ANO5: variants seen among roughly 807,000 people sequenced by gnomAD.
The protein encoded by ANO5 is anoctamin 5.
A neutral mutation model predicts 121.0 loss-of-function variants in ANO5; 109 were observed. The ratio of observed to expected loss-of-function variants is 0.90; its 90% CI spans 0.77 to 1.06. The LOEUF (loss-of-function observed/expected upper bound fraction) is 1.06. Ranked by LOEUF, ANO5 falls within the 50% of genes least tolerant of loss-of-function variation. ANO5 has a pLI of 0.00. For synonymous variants in ANO5, 406 were observed against 359.9 expected (o/e 1.13, Z -1.45); for missense variants, 1,064 against 1,078.5 (o/e 0.99, Z 0.19).
At chr11:22,214,196 T>A (rs1430860532) in intron 3 of ANO5, among the ~76,000 whole-genome samples, 1 of 151,968 alleles carries the variant, frequency 6.6e-6, no homozygotes, top group Non-Finnish European at 1.5e-5. Flanking sequence ...ATAAGCCACA[T>A]CACTTGGCTG....
At chr11:22,257,484 G>C (rs556260728) in intron 13 of ANO5, among the ~76,000 whole-genome samples, 196 bp from the exon 14 acceptor site, 2 of 152,156 alleles carry the variant, frequency 1.3e-5, no homozygotes, top group Admixed American at 6.6e-5. Context: ...TCATGTGTAA[G>C]ATAACCCATC....
rs561417561 is a variant in ANO5 at position 22,239,651 on chromosome 11, A to G, written c.845A>G (p.Tyr282Cys). ...CACCAGAATTGGGCTCGATTTTCCT[A>G]TTTCTACAAGGAGCAGCCTTTAGAC... ...TLHQNWARFS[Y>C]FYKEQPLDLI... The change falls in exon 9 of 22, where the codon TAT (tyrosine) becomes TGT (cysteine). Residue 282 changes from tyrosine to cysteine, a missense_variant. By Grantham distance (194) the Tyr-to-Cys change is radical (BLOSUM62 -2). Transcript: ENST00000324559. 2.6e-5 allele frequency: 42 copies of G among 1,612,112 alleles called. No homozygotes were observed. The highest frequency in any genetic ancestry group is 3.3e-5 in the Admixed American group (2 of 59,944).
chr11:22,204,553 G>C (rs1167605170), intron 2 of ANO5, among the ~76,000 whole-genome samples: 1 of 152,062 alleles, frequency 6.6e-6, no homozygotes, highest in Admixed American at 6.6e-5. Context: ...ATTTCTGCTT[G>C]GAAAACACGT....
chr11:22,262,570 C>T (rs1854225528), intron 16 of ANO5, among the ~76,000 whole-genome samples: 1 of 152,108 alleles, frequency 6.6e-6, no homozygotes, highest in Non-Finnish European at 1.5e-5. Flanking sequence ...AAATTTCCTG[C>T]AAAGGAAGAC....
Position 22,271,033 on chromosome 11 carries a change from CT to C in ANO5, c.2029+594del, listed in dbSNP as rs541325877. Among the ~76,000 whole-genome samples the C allele has an allele frequency of 3.2e-3, 492 of 152,234 alleles. 1 individual carries two copies. Among genetic ancestry groups the C allele is most frequent in the South Asian group, 7.5e-3 (36 of 4,828 alleles). ...GCTCAGAGCGTTTTCCCTCAAGCAA[CT>C]TTCTCTGTTTCTCTCGCAGAATTAA... On this transcript the variant is annotated intron_variant, in intron 18 of 21. Coordinates refer to ENST00000324559, the MANE Select transcript of ANO5 (RefSeq NM_213599.3).
chr11:22,222,660 C>G (rs545487828), intron 5 of ANO5, among the ~76,000 whole-genome samples: 3 of 152,050 alleles, frequency 2.0e-5, no homozygotes, highest in Admixed American at 2.0e-4. Flanking sequence ...TGTTACATAT[C>G]CCGCCAAGTC....
chr11:22,262,924 C>T (rs774417484), intron 16 of ANO5, 22 bp from the exon 17 acceptor site: 6 of 1,553,544 alleles, frequency 3.9e-6, no homozygotes, highest in Non-Finnish European at 5.3e-6. Flanking sequence ...ATTCTGTTTT[C>T]TCCCCTCTTG....
chr11:22,225,922 C>T, intron 5 of ANO5, 62 bp from the exon 6 acceptor site: 5 of 1,301,154 alleles, frequency 3.8e-6, no homozygotes, highest in South Asian at 3.6e-5. Flanking sequence ...TTGAATCTGT[C>T]AATACTGAGC....
intron 7 of ANO5, among the ~76,000 whole-genome samples, chr11:22,229,573 G>A (rs1292432084): frequency 6.6e-6 from 1 of 151,906 alleles, no homozygotes; most frequent in African/African-American, 2.4e-5. Flanking sequence ...ATACTGACAT[G>A]ATTGTGAAAA....
intron 1 of ANO5, among the ~76,000 whole-genome samples, chr11:22,196,097 T>G (rs1164567435): frequency 1.3e-5 from 2 of 152,042 alleles, no homozygotes; most frequent in Non-Finnish European, 2.9e-5. Flanking sequence ...CTTAGCCTAC[T>G]TTTTTTTATT....
At chr11:22,214,891 A>T (rs10766919) in intron 3 of ANO5, among the ~76,000 whole-genome samples, 105,045 of 151,832 alleles carry the variant, frequency 0.69, 37,870 homozygotes, top group Non-Finnish European at 0.81. Flanking sequence ...GAAACTCTAT[A>T]TCAATTATTT....
In ANO5 at chr11:22,280,448, A is replaced by C. The variant is rs1187912697; in HGVS notation, c.*683A>C. ...GGTTCTTAGAGATAATAATTTGGTT[A>C]TAATAGTTTCAAGACTGATCTTATC... On this transcript the variant is annotated 3_prime_UTR_variant, in exon 22 of 22. Coordinates refer to ENST00000324559, the MANE Select transcript of ANO5 (RefSeq NM_213599.3). 1 of 151,918 alleles carries C rather than the reference A, an allele frequency of 6.6e-6. No homozygotes were observed. Among genetic ancestry groups the C allele is most frequent in the East Asian group, 1.9e-4 (1 of 5,164 alleles). The allele number at this position is 151,918 out of a possible 1,614,324, so 9.4% of individuals were successfully genotyped here.
chr11:22,233,033 A>G (rs573833460), intron 7 of ANO5, among the ~76,000 whole-genome samples: 1 of 152,032 alleles, frequency 6.6e-6, no homozygotes, highest in Non-Finnish European at 1.5e-5. Flanking sequence ...TGACAGTACC[A>G]TTTGCCACAC....
Position 22,276,236 on chromosome 11 carries a change from T to G in ANO5, c.2520+37T>G, listed in dbSNP as rs915519756. On this transcript the variant is annotated intron_variant, in intron 21 of 21. Coordinates refer to ENST00000324559, the MANE Select transcript of ANO5 (RefSeq NM_213599.3). ...TTAACTTTCATTCGAGTTACTCTCT[T>G]CTCTCTTTAGGCAGATATTTCTAAA... 1.3e-5 allele frequency: 20 copies of G among 1,486,656 alleles called. No homozygotes were observed. In the African/African-American group the frequency reaches 1.5e-4, roughly 11 times the overall value. The allele number at this position is 1,486,656 out of a possible 1,614,324, so 92.1% of individuals were successfully genotyped here.
chr11:22,195,115 G>T (rs913873626), intron 1 of ANO5, among the ~76,000 whole-genome samples: 3 of 151,970 alleles, frequency 2.0e-5, no homozygotes, highest in African/African-American at 7.3e-5. Context: ...TTTTATTATA[G>T]CCATCCTAGT....
In ANO5 at chr11:22,208,151, A is replaced by T. The variant is rs1051066792; in HGVS notation, c.88-3113A>T. 3.3e-5 allele frequency among the ~76,000 whole-genome samples: 5 copies of T among 152,092 alleles called. No individual in the cohort carries two copies. The South Asian group carries it at 1.0e-3, about 31-fold the overall frequency. On this transcript the variant is annotated intron_variant, in intron 2 of 21. Transcript: ENST00000324559. ...CTTAAAAATCTAAATTATGATTTTC[A>T]TGTAAGTTGGGTAATCATACTCTTG...
intron 7 of ANO5, among the ~76,000 whole-genome samples, chr11:22,235,946 C>T (rs747105254): frequency 6.6e-6 from 1 of 152,008 alleles, no homozygotes; most frequent in Non-Finnish European, 1.5e-5. Context: ...ACCCCTGCAC[C>T]CCATCAAATG....
At chr11:22,267,508 T>TTTTATATATA (rs1554932860) in intron 17 of ANO5, among the ~76,000 whole-genome samples, 5 of 126,100 alleles carry the variant, frequency 4.0e-5, no homozygotes, top group African/African-American at 2.3e-4. Context: ...ATATCTACAA[T>TTTTATATATA]TATATATATA....
chr11:22,276,591 A>G (rs1013203416), intron 21 of ANO5, among the ~76,000 whole-genome samples: 2 of 151,760 alleles, frequency 1.3e-5, no homozygotes, highest in African/African-American at 4.8e-5. Flanking sequence ...GATTCAGCAA[A>G]AATAAGTAGC....
Sources: allele counts gnomAD v4.1 joint callset (sites outside exome capture counted in the v4.1 genomes callset), GRCh38; gene constraint gnomAD v4.1.1; transcripts MANE v1.5; gene names NCBI Gene and HGNC (gene_info 2026-07-23, HGNC 2026-07-21).